The following IQCF3 variants were observed in gnomAD, a reference collection of about 807,000 sequenced individuals.
IQCF3 encodes IQ domain-containing protein F3.
IQCF3 carries 7 observed loss-of-function variants against 5.1 expected under a neutral mutation model. That is an observed-to-expected ratio of 1.36 (90% CI 0.78 to 2.56). IQCF3 has a LOEUF of 2.56. Among genes scored for constraint, IQCF3 ranks in the 30% most tolerant of loss-of-function variants. The pLI is 0.00. For synonymous variants in IQCF3, 82 were observed against 72.8 expected, an observed-to-expected ratio of 1.13 and a Z score of -0.64; for missense variants, 189 against 196.5, an observed-to-expected ratio of 0.96 and a Z score of 0.23.
At position 51,830,486 on chromosome 3, in the gene IQCF3, C is replaced by T. The variant is rs753231027; in HGVS notation, c.150C>T (p.Arg50=). Residue 50 remains arginine (R), a synonymous_variant, in exon 3 of 3, where the codon CGC becomes CGT. Coordinates refer to ENST00000440739, the MANE Select transcript of IQCF3 (RefSeq NM_001393887.1). This position sits in a 1 kb window ranked among gnomAD's most constrained non-coding sequence, Gnocchi z 4.1. ...CCTGGTGGCGTGGGGTCCTGGTGCG[C>T]AGGACCCTGCTGGTTGCTGCCCTCA... The part of the protein sequence containing the change: ...IQAWWRGVLV[R]RTLLVAALRA... 3 of 1,613,154 alleles carry T rather than the reference C, an allele frequency of 1.9e-6. No individual in the cohort carries two copies. Among genetic ancestry groups the T allele is most frequent in the Non-Finnish European group, 2.5e-6 (3 of 1,179,424 alleles).
chr3:51,828,403 A>G (rs2107192795), upstream of IQCF3: 1 of 152,354 alleles, frequency 6.6e-6, no homozygotes, highest in Admixed American at 6.5e-5. Flanking sequence ...ATTTCATCAA[A>G]AGCTTTTCCT....
Position 51,830,460 on chromosome 3 carries a change from G to C in IQCF3, c.124G>C (p.Ala42Pro), listed in dbSNP as rs779816192. The C allele has an allele frequency of 1.4e-4, 232 of 1,602,824 alleles. No homozygotes were observed. Among genetic ancestry groups the C allele is most frequent in the Non-Finnish European group, 1.9e-4 (220 of 1,175,236 alleles). ...KRVKAAGQIQ[A>P]WWRGVLVRRT... ...GGTGAAGGCAGCTGGGCAGATCCAGGCCTGGTGGCGTGGGGTCCTGGTGCG... is the reference window on the plus strand; with the variant it reads ...GGTGAAGGCAGCTGGGCAGATCCAGCCCTGGTGGCGTGGGGTCCTGGTGCG... Residue 42 changes from alanine to proline, a missense_variant, in exon 3 of 3, where the codon GCC becomes CCC. Physicochemically the swap from Ala to Pro is conservative, Grantham distance 27. Coordinates refer to ENST00000440739, the MANE Select transcript of IQCF3 (RefSeq NM_001393887.1). The surrounding 1 kb of genome is among the most constrained non-coding windows in gnomAD (Gnocchi z 4.1).
chr3:51,829,449 T>A lies in IQCF3; in HGVS notation c.-27T>A. The stretch of plus-strand genomic sequence containing the variant: ...TCAGGAAACAGCAACCAGAGGGAGA[T>A]GATCACCTGAACCACTGCTCCAAAC... On this transcript the variant is annotated 5_prime_UTR_variant, in exon 1 of 3. The change abolishes an upstream ATG in the 5' untranslated region. Transcript: ENST00000440739. The A allele has an allele frequency of 6.3e-7, 1 of 1,592,464 alleles. No individual in the cohort carries two copies. The highest frequency in any genetic ancestry group is 8.6e-7 in the Non-Finnish European group (1 of 1,169,466).
In IQCF3 at chr3:51,830,323, G is replaced by T; in HGVS notation, c.67-80G>T. 6.7e-7 allele frequency: 1 copy of T among 1,489,054 alleles called. No individual in the cohort carries two copies. The highest frequency in any genetic ancestry group is 9.0e-7 in the Non-Finnish European group (1 of 1,113,222). 92.2% of individuals were successfully genotyped at this position (1,489,054 alleles called of 1,614,324 possible). ...TCTCCTGGGTCCTCAAAACCAGCAG[G>T]GAGAGGGCTGATTCTTTAGAGAACC... On this transcript the variant is annotated intron_variant, in intron 2 of 2. Transcript: ENST00000440739. The surrounding 1 kb of genome is among the most constrained non-coding windows in gnomAD (Gnocchi z 4.1).
upstream of IQCF3, chr3:51,827,052 T>C (rs575904230): frequency 6.6e-6 from 1 of 152,654 alleles, no homozygotes; most frequent in African/African-American, 2.4e-5. Flanking sequence ...TACACAGTGG[T>C]GCAGCGGTCC....
At position 51,830,655 on chromosome 3, in the gene IQCF3, CAATGTTACCGCCA is replaced by C; in HGVS notation, c.325_337del (p.Tyr109AlafsTer59). 1 of 1,614,020 alleles carries C rather than the reference CAATGTTACCGCCA, an allele frequency of 6.2e-7. No individual in the cohort carries two copies. Among genetic ancestry groups the C allele is most frequent in the Non-Finnish European group, 8.5e-7 (1 of 1,179,890 alleles). ...CTGCATCCGCATGTGGCAGTGCCGGCAATGTTACCGCCAAATGTGCAATGCTCTCTGCTTGTTC... is the reference window on the plus strand; with the variant it reads ...CTGCATCCGCATGTGGCAGTGCCGGCAATGTGCAATGCTCTCTGCTTGTTC... On this transcript the variant is annotated frameshift_variant, in exon 3 of 3. Transcript: ENST00000440739. LOFTEE classifies it low-confidence loss of function (END_TRUNC). The surrounding 1 kb of genome is among the most constrained non-coding windows in gnomAD (Gnocchi z 4.1).
At chr3:51,827,181 A>G (rs189620265), upstream of IQCF3, 6 of 152,340 alleles carry the variant, frequency 3.9e-5, 1 homozygote, top group South Asian at 6.2e-4. Context: ...ATGAAAGGCT[A>G]TGTCACAGCA....
chr3:51,827,464 G>A (rs1271901803), upstream of IQCF3: 2 of 152,054 alleles, frequency 1.3e-5, no homozygotes, highest in African/African-American at 4.8e-5. Flanking sequence ...TCTTTTGGGA[G>A]AGAATAAGAC....
rs1201753986 is a variant in IQCF3, at chr3:51,829,828, T to A, written c.66+116T>A. ...ATTGCCCTCTTATCCCCTCAAGCCC[T>A]CCCTCTCCTTGGTGAACTGAGTAAG... On this transcript the variant is annotated intron_variant, in intron 2 of 2. Coordinates refer to ENST00000440739, the MANE Select transcript of IQCF3 (RefSeq NM_001393887.1). 2.9e-6 allele frequency: 3 copies of A among 1,023,300 alleles called. No homozygotes were observed. The African/African-American group carries it at 4.8e-5, about 16-fold the overall frequency. 63.4% of individuals were successfully genotyped at this position (1,023,300 alleles called of 1,614,324 possible). A position where few individuals can be genotyped will look rare whatever the true frequency, so the allele number is the denominator to read the frequency against.
At chr3:51,827,536 T>G (rs1698304455), upstream of IQCF3, among the ~76,000 whole-genome samples, 1 of 151,926 alleles carries the variant, frequency 6.6e-6, no homozygotes, top group South Asian at 2.1e-4. Flanking sequence ...ATAATTATGT[T>G]TATAATTTTT....
upstream of IQCF3, chr3:51,828,727 G>C (rs926232946): frequency 6.6e-6 from 1 of 152,212 alleles, no homozygotes; most frequent in Non-Finnish European, 1.5e-5. Context: ...AATAGTTTCA[G>C]TAGGAATGGG....
At chr3:51,829,256 A>T, upstream of IQCF3, 1 of 591,400 alleles carries the variant, frequency 1.7e-6, no homozygotes, top group Non-Finnish European at 3.1e-6. Context: ...TGATATTTGC[A>T]CAATTTTTCC....
rs1485112744 is a variant in IQCF3 at position 51,829,507 on chromosome 3, A to T, written c.18+14A>T. On this transcript the variant is annotated intron_variant, in intron 1 of 2. Transcript: ENST00000440739. ...AGTAAATGCTGTGTAAGACTCAGGC[A>T]CACAAACTCCCCCAGGGGTGGGAGT... The T allele has an allele frequency of 6.3e-7, 1 of 1,597,876 alleles. No homozygotes were observed. Among genetic ancestry groups the T allele is most frequent in the Non-Finnish European group, 8.5e-7 (1 of 1,172,198 alleles).
rs531603032 is a variant in IQCF3 at position 51,829,804 on chromosome 3, T to C, written c.66+92T>C. The stretch of plus-strand genomic sequence containing the variant: ...ATGGAGATCCATCTCTGGCTCAGCA[T>C]TGCCCTCTTATCCCCTCAAGCCCTC... On this transcript the variant is annotated intron_variant, in intron 2 of 2. Transcript: ENST00000440739. The C allele has an allele frequency of 2.3e-6, 3 of 1,284,244 alleles. No homozygotes were observed. The African/African-American group carries it at 4.4e-5, about 19-fold the overall frequency. 79.6% of individuals were successfully genotyped at this position (1,284,244 alleles called of 1,614,324 possible).
Position 51,830,375 on chromosome 3 carries a change from C to T in IQCF3, c.67-28C>T. 1.3e-6 allele frequency: 2 copies of T among 1,517,558 alleles called. No individual in the cohort carries two copies. Among genetic ancestry groups the T allele is most frequent in the Non-Finnish European group, 1.8e-6 (2 of 1,134,590 alleles). The allele number at this position is 1,517,558 out of a possible 1,614,324, so 94.0% of individuals were successfully genotyped here. On this transcript the variant is annotated intron_variant, in intron 2 of 2. Coordinates refer to ENST00000440739, the MANE Select transcript of IQCF3 (RefSeq NM_001393887.1). The surrounding 1 kb of genome is among the most constrained non-coding windows in gnomAD (Gnocchi z 4.1). Reference sequence around the variant, plus strand: ...CCTGTGCTTGATGGTGATAAATTCACTGGGAGTCCTCTGCTTTGCTTGGCC... The same window carrying T: ...CCTGTGCTTGATGGTGATAAATTCATTGGGAGTCCTCTGCTTTGCTTGGCC...
chr3:51,827,137 A>T (rs577351611), upstream of IQCF3: 9 of 152,304 alleles, frequency 5.9e-5, no homozygotes, highest in Non-Finnish European at 8.8e-5. Context: ...AACCATGGCA[A>T]TCAAGAGCTC....
At position 51,830,485 on chromosome 3, in the gene IQCF3, G is replaced by T. The variant is rs200518397; in HGVS notation, c.149G>T (p.Arg50Leu). ...IQAWWRGVLV[R>L]RTLLVAALRA... ...GCCTGGTGGCGTGGGGTCCTGGTGC[G>T]CAGGACCCTGCTGGTTGCTGCCCTC... The change falls in exon 3 of 3, where the codon CGC (arginine) becomes CTC (leucine). Residue 50 changes from arginine to leucine, a missense_variant. Arg to Leu is a moderately radical substitution (Grantham distance 102). Transcript: ENST00000440739. The surrounding 1 kb of genome is among the most constrained non-coding windows in gnomAD (Gnocchi z 4.1). The T allele has an allele frequency of 3.7e-6, 6 of 1,612,954 alleles. No individual in the cohort carries two copies. Among genetic ancestry groups the T allele is most frequent in the Middle Eastern group, 1.7e-4 (1 of 6,046 alleles).
rs775937326 is a variant in IQCF3, at chr3:51,830,614, C to A, written c.278C>A (p.Thr93Lys). 6.2e-7 allele frequency: 1 copy of A among 1,613,918 alleles called. No homozygotes were observed. The highest frequency in any genetic ancestry group is 8.5e-7 in the Non-Finnish European group (1 of 1,179,840). ...LRVYVIQEQA[T>K]VKLQSCIRMW... ...GTCTACGTCATCCAGGAGCAGGCGA[C>A]GGTCAAGCTCCAGTCCTGCATCCGC... Residue 93 changes from threonine to lysine, a missense_variant, in exon 3 of 3, where the codon ACG (threonine) becomes AAG (lysine). Physicochemically the swap from Thr to Lys is moderately conservative, Grantham distance 78. Transcript: ENST00000440739. The surrounding 1 kb of genome is among the most constrained non-coding windows in gnomAD (Gnocchi z 4.1).
upstream of IQCF3, chr3:51,828,870 T>C (rs1051037621): frequency 6.5e-6 from 1 of 153,146 alleles, no homozygotes; most frequent in African/African-American, 2.4e-5. Context: ...GGAATCAATT[T>C]CTTCCTGCTT....
Sources: allele counts gnomAD v4.1 joint callset (sites outside exome capture counted in the v4.1 genomes callset), GRCh38; gene constraint gnomAD v4.1.1; non-coding constraint Gnocchi (gnomAD v3.1); transcripts MANE v1.5; gene names NCBI Gene and HGNC (gene_info 2026-07-23, HGNC 2026-07-21).